Variants in PCDH15 observed in about 807,000 individuals in gnomAD.
PCDH15 encodes the protein protocadherin-15.
In PCDH15, 129 loss-of-function variants were observed where a neutral mutation model predicts 178.5. The ratio of observed to expected loss-of-function variants is 0.72; its 90% CI spans 0.63 to 0.84. The LOEUF (loss-of-function observed/expected upper bound fraction) is 0.84, where lower values mean the gene tolerates loss of function less well. Among genes scored for constraint, PCDH15 ranks in the 40% least tolerant of loss-of-function variants. The pLI, the probability that PCDH15 is intolerant of heterozygous loss-of-function variation, is 0.00. For missense variants in PCDH15, 2,230 were observed against 2,099.9 expected (o/e 1.06, Z -1.21); for synonymous variants, 800 against 732.0 (o/e 1.09, Z -1.50).
intron 2 of PCDH15, among the ~76,000 whole-genome samples, chr10:54,938,041 T>G (rs1167671388): frequency 6.6e-6 from 1 of 152,104 alleles, no homozygotes; most frequent in African/African-American, 2.4e-5. Flanking sequence ...TGAATATTTT[T>G]AATCATTAAA....
chr10:55,094,638 T>G (rs1209450148), intron 2 of PCDH15, among the ~76,000 whole-genome samples: 1 of 152,142 alleles, frequency 6.6e-6, no homozygotes, highest in East Asian at 1.9e-4. Flanking sequence ...TGAAGGCTTA[T>G]ACATATGTTG....
intron 14 of PCDH15, among the ~76,000 whole-genome samples, chr10:54,138,402 T>G (rs2133135357): frequency 6.6e-6 from 1 of 152,296 alleles, no homozygotes; most frequent in African/African-American, 2.4e-5. Flanking sequence ...TCAGTTTGGA[T>G]GCTCTTAGGG....
At chr10:55,140,856 G>C (rs1838334020) in intron 2 of PCDH15, among the ~76,000 whole-genome samples, 2 of 151,852 alleles carry the variant, frequency 1.3e-5, no homozygotes, top group African/African-American at 4.8e-5. Context: ...TTTCATCTAG[G>C]TTGTCCTATT....
intron 15 of PCDH15, among the ~76,000 whole-genome samples, chr10:54,107,456 T>C (rs1257357711): frequency 6.6e-6 from 1 of 152,202 alleles, no homozygotes; most frequent in East Asian, 1.9e-4. Context: ...GGGAGGAACA[T>C]GCAGTAGTAT....
chr10:54,471,103 T>C (rs896236898), intron 3 of PCDH15, among the ~76,000 whole-genome samples: 4 of 152,210 alleles, frequency 2.6e-5, no homozygotes, highest in African/African-American at 9.6e-5. Flanking sequence ...ATTCTGTATG[T>C]TACATGTATT....
chr10:54,622,715 A>G, intron 2 of PCDH15, among the ~76,000 whole-genome samples: 1 of 31,714 alleles, frequency 3.2e-5, no homozygotes, highest in African/African-American at 1.2e-4. Flanking sequence ...TATATTATAT[A>G]TAATATATAT....
intron 2 of PCDH15, among the ~76,000 whole-genome samples, chr10:54,917,676 C>T (rs959184443): frequency 3.3e-5 from 5 of 152,078 alleles, no homozygotes; most frequent in Non-Finnish European, 5.9e-5. Context: ...ACAAGGGCAT[C>T]AAAACCTGAT....
At chr10:54,769,645 C>T (rs1459840348) in intron 1 of PCDH15, among the ~76,000 whole-genome samples, 1 of 151,968 alleles carries the variant, frequency 6.6e-6, no homozygotes, top group East Asian at 1.9e-4. Flanking sequence ...GTACAGAATC[C>T]ATTCTGCTAA....
At chr10:54,845,534 T>G (rs181694421) in intron 3 of PCDH15, among the ~76,000 whole-genome samples, 1 of 152,244 alleles carries the variant, frequency 6.6e-6, no homozygotes, top group East Asian at 1.9e-4. Context: ...TGGTCTAAAT[T>G]CTGCATGTAA....
chr10:55,365,679 T>A (rs969694923), intron 2 of PCDH15, among the ~76,000 whole-genome samples: 18 of 151,532 alleles, frequency 1.2e-4, no homozygotes, highest in African/African-American at 4.4e-4. Context: ...AAAAGGGGAG[T>A]TCCCCTGCAC....
intron 3 of PCDH15, among the ~76,000 whole-genome samples, chr10:54,484,478 A>T (rs762514217): frequency 1.3e-5 from 2 of 151,982 alleles, no homozygotes; most frequent in Non-Finnish European, 2.9e-5. Context: ...AATACTGTTC[A>T]CATTAATTGT....
In PCDH15 at chr10:54,741,019, A is replaced by G. The variant is rs149550034; in HGVS notation, c.-29+59906T>C. On this transcript the variant is annotated intron_variant, in intron 1 of 37. Coordinates refer to ENST00000644397, the MANE Select transcript of PCDH15 (RefSeq NM_001384140.1). ...TTTAAAAATGGCTAGAAGATTTGGA[A>G]TGTTCTCAACACAAAGAAATGATAA... Among the ~76,000 whole-genome samples the G allele has an allele frequency of 8.5e-4, 129 of 152,046 alleles. 1 individual carries two copies. The Middle Eastern group carries it at 0.01, about 12-fold the overall frequency.
chr10:54,943,604 A>C (rs1838115818), intron 2 of PCDH15, among the ~76,000 whole-genome samples: 1 of 151,938 alleles, frequency 6.6e-6, no homozygotes, highest in Non-Finnish European at 1.5e-5. Flanking sequence ...AGAGCATTGT[A>C]ATGGATATAA....
intron 27 of PCDH15, among the ~76,000 whole-genome samples, chr10:53,859,769 A>C (rs1248058348): frequency 6.6e-6 from 1 of 152,168 alleles, no homozygotes; most frequent in East Asian, 1.9e-4. Context: ...TGTATATACC[A>C]GAAATCGGTC....
chr10:54,445,208 C>T (rs2076073919), intron 3 of PCDH15, among the ~76,000 whole-genome samples: 1 of 151,208 alleles, frequency 6.6e-6, no homozygotes, highest in Non-Finnish European at 1.5e-5. Flanking sequence ...TCCATAAATG[C>T]TATGAAAGTG....
rs1244029832 is a variant in PCDH15, at chr10:54,133,046, T to C, written c.1785-39A>G. 3.1e-6 allele frequency: 5 copies of C among 1,613,388 alleles called. No individual in the cohort carries two copies. The South Asian group carries it at 5.5e-5, about 18-fold the overall frequency. ...GAGGAAAAGAAGATGGTTACGAATC[T>C]GCATCACATTTAATGTTAGACTGCA... On this transcript the variant is annotated intron_variant, in intron 14 of 37. Coordinates refer to ENST00000644397, the MANE Select transcript of PCDH15 (RefSeq NM_001384140.1).
chr10:55,535,394 A>G (rs146918608), intron 2 of PCDH15, among the ~76,000 whole-genome samples: 10 of 152,220 alleles, frequency 6.6e-5, no homozygotes, highest in African/African-American at 2.4e-4. Context: ...CTAGGGCAAC[A>G]AAATCATAAT....
In PCDH15 at chr10:54,169,037, G is replaced by C. The variant is rs150717581; in HGVS notation, c.1590+14407C>G. 9.9e-3 allele frequency among the ~76,000 whole-genome samples: 1,507 copies of C among 152,242 alleles called. 29 individuals are homozygous for C. The highest frequency in any genetic ancestry group is 0.034 in the African/African-American group (1,416 of 41,536). ...CCCACAGGAGCTTGCTACACATGCA[G>C]GAAATCTGGCCACTGGGCCAAGGAA... On this transcript the variant is annotated intron_variant, in intron 13 of 37. Transcript: ENST00000644397.
intron 15 of PCDH15, among the ~76,000 whole-genome samples, chr10:54,119,734 T>C (rs1418795806): frequency 2.6e-5 from 4 of 152,174 alleles, no homozygotes; most frequent in Admixed American, 2.6e-4. Flanking sequence ...AATTTTTTTT[T>C]TTAGCAGTAA....
Sources: allele counts gnomAD v4.1 joint callset (sites outside exome capture counted in the v4.1 genomes callset), GRCh38; gene constraint gnomAD v4.1.1; transcripts MANE v1.5; gene names NCBI Gene and HGNC (gene_info 2026-07-23, HGNC 2026-07-21).